The following SLC9A9 variants were observed in gnomAD, a reference collection of about 807,000 sequenced individuals.
The protein encoded by SLC9A9 is sodium/hydrogen exchanger 9.
A neutral mutation model predicts 77.8 loss-of-function variants in SLC9A9; 62 were observed. The ratio of observed to expected loss-of-function variants is 0.80; its 90% CI spans 0.65 to 0.98. The LOEUF (loss-of-function observed/expected upper bound fraction) is 0.98, where lower values mean the gene tolerates loss of function less well. SLC9A9 is among the 50% of genes least tolerant of loss of function. The probability of loss-of-function intolerance (pLI) is 0.00; values close to 1 mark genes in which losing one functional copy is unlikely to be tolerated. For missense variants in SLC9A9, 775 were observed against 774.9 expected, an observed-to-expected ratio of 1.00 and a Z score of 0.00; for synonymous variants, 320 against 283.5, an observed-to-expected ratio of 1.13 and a Z score of -1.29.
intron 6 of SLC9A9, among the ~76,000 whole-genome samples, chr3:143,586,412 A>G (rs2037542417): frequency 6.6e-6 from 1 of 151,644 alleles, no homozygotes; most frequent in Non-Finnish European, 1.5e-5. Flanking sequence ...TTTTAAAGAC[A>G]CATTTTAAGG....
chr3:143,805,730 CGCTCCTGCCT>C (rs2008693632), intron 2 of SLC9A9, among the ~76,000 whole-genome samples: 1 of 152,098 alleles, frequency 6.6e-6, no homozygotes, highest in African/African-American at 2.4e-5. Flanking sequence ...TTGTGTACCC[CGCTCCTGCCT>C]GCCAGAGAAC....
intron 2 of SLC9A9, among the ~76,000 whole-genome samples, chr3:143,819,276 T>G (rs2009107875): frequency 6.6e-6 from 1 of 152,206 alleles, no homozygotes; most frequent in South Asian, 2.1e-4. Context: ...GTTAGAAATG[T>G]CCCATTGTGA....
At chr3:143,450,933 CAT>C (rs934108236) in intron 12 of SLC9A9, among the ~76,000 whole-genome samples, 39 of 152,192 alleles carry the variant, frequency 2.6e-4, no homozygotes, top group African/African-American at 8.7e-4. Context: ...TAGGGGGACT[CAT>C]GTGTGGGTGC....
chr3:143,576,110 G>T (rs915085839), intron 7 of SLC9A9, among the ~76,000 whole-genome samples: 1 of 152,178 alleles, frequency 6.6e-6, no homozygotes, highest in African/African-American at 2.4e-5. Flanking sequence ...GAAGAATTCT[G>T]ATTTTAGTTT....
At chr3:143,613,440 G>C (rs1190451440) in intron 6 of SLC9A9, among the ~76,000 whole-genome samples, 2 of 152,124 alleles carry the variant, frequency 1.3e-5, no homozygotes, top group African/African-American at 4.8e-5. Context: ...CTCAAATTTT[G>C]CAATCCAGTT....
At chr3:143,361,129 A>G (rs2032742885) in intron 14 of SLC9A9, among the ~76,000 whole-genome samples, 1 of 152,264 alleles carries the variant, frequency 6.6e-6, no homozygotes, top group Non-Finnish European at 1.5e-5. Context: ...CTTGAAATAA[A>G]TCTATATGTA....
chr3:143,766,547 C>A (rs977090947), intron 4 of SLC9A9, among the ~76,000 whole-genome samples: 2 of 151,988 alleles, frequency 1.3e-5, no homozygotes, highest in African/African-American at 4.8e-5. Flanking sequence ...GTTTTCTTAG[C>A]TGTAGGTGGA....
chr3:143,548,191 T>A (rs966179599), intron 9 of SLC9A9, among the ~76,000 whole-genome samples: 2 of 152,172 alleles, frequency 1.3e-5, no homozygotes, highest in Non-Finnish European at 2.9e-5. Flanking sequence ...AAAGGGATGC[T>A]ATGGAAGTAC....
chr3:143,664,552 A>G (rs1487090858), intron 5 of SLC9A9, among the ~76,000 whole-genome samples: 2 of 152,210 alleles, frequency 1.3e-5, no homozygotes, highest in Admixed American at 6.5e-5. Context: ...ATAAAGAGTC[A>G]AGACCCATCA....
At chr3:143,506,174 C>T (rs188424234) in intron 9 of SLC9A9, among the ~76,000 whole-genome samples, 1 of 152,288 alleles carries the variant, frequency 6.6e-6, no homozygotes, top group African/African-American at 2.4e-5. Context: ...AATTTAAACA[C>T]AGGTACACAT....
At chr3:143,610,618 G>A (rs957450494) in intron 6 of SLC9A9, among the ~76,000 whole-genome samples, 3 of 152,158 alleles carry the variant, frequency 2.0e-5, no homozygotes, top group African/African-American at 7.2e-5. Context: ...AAGGACAACA[G>A]GCATGGAGGG....
intron 14 of SLC9A9, among the ~76,000 whole-genome samples, chr3:143,299,734 C>T (rs1283280801): frequency 6.6e-6 from 1 of 152,198 alleles, no homozygotes; most frequent in Admixed American, 6.5e-5. Flanking sequence ...TGAGCCACCA[C>T]GTCCTGCCAC....
At position 143,444,216 on chromosome 3, in the gene SLC9A9, T is replaced by G. The variant is rs550690046; in HGVS notation, c.1469+22821A>C. Reference sequence around the variant, plus strand: ...AAGCTCAACACCCCAGCTACGAAATTGTTTGGTCCTAAATTGGCCAGATGC... The same window carrying G: ...AAGCTCAACACCCCAGCTACGAAATGGTTTGGTCCTAAATTGGCCAGATGC... On this transcript the variant is annotated intron_variant, in intron 12 of 15. Transcript: ENST00000316549. 4.6e-5 allele frequency among the ~76,000 whole-genome samples: 7 copies of G among 152,306 alleles called. No individual in the cohort carries two copies. In the South Asian group the frequency reaches 8.3e-4, roughly 18 times the overall value.
At chr3:143,643,669 C>A (rs1437671099) in intron 6 of SLC9A9, among the ~76,000 whole-genome samples, 1 of 152,104 alleles carries the variant, frequency 6.6e-6, no homozygotes, top group Non-Finnish European at 1.5e-5. Flanking sequence ...TAAAATAAAG[C>A]CTTTCTTTGA....
chr3:143,301,591 A>G (rs1351419213), intron 14 of SLC9A9, among the ~76,000 whole-genome samples: 1 of 152,218 alleles, frequency 6.6e-6, no homozygotes, highest in Non-Finnish European at 1.5e-5. Context: ...AGACAGACGC[A>G]TTCTCCAGCA....
chr3:143,780,527 A>C (rs985764468), intron 4 of SLC9A9, among the ~76,000 whole-genome samples: 1 of 152,366 alleles, frequency 6.6e-6, no homozygotes, highest in Non-Finnish European at 1.5e-5. Context: ...ACACCAAAAG[A>C]GGAAAAACAA....
chr3:143,268,127 C>G (rs1308186304), intron 15 of SLC9A9, among the ~76,000 whole-genome samples: 1 of 152,334 alleles, frequency 6.6e-6, no homozygotes, highest in South Asian at 2.1e-4. Context: ...ACAGGGCTAG[C>G]CAGCTGGACA....
chr3:143,584,844 G>T (rs1477560876), intron 6 of SLC9A9, among the ~76,000 whole-genome samples: 1 of 152,186 alleles, frequency 6.6e-6, no homozygotes, highest in Non-Finnish European at 1.5e-5. Context: ...TTCAAAGGTG[G>T]ATTCCTGTTG....
chr3:143,596,410 G>C (rs979238041), intron 6 of SLC9A9, among the ~76,000 whole-genome samples: 2 of 152,244 alleles, frequency 1.3e-5, no homozygotes, highest in Admixed American at 1.3e-4. Context: ...TTTTGGTTTT[G>C]ATGGATGTTC....
Sources: gnomAD v4.1 joint callset for allele counts (sites outside exome capture counted in the v4.1 genomes callset) on GRCh38, gnomAD v4.1.1 for gene constraint, MANE v1.5 for transcripts, NCBI Gene and HGNC (gene_info 2026-07-23, HGNC 2026-07-21) for gene names.